Variants in GABRB2 observed in about 807,000 individuals in gnomAD.
GABRB2 encodes the protein gamma-aminobutyric acid receptor subunit beta-2.
Under a neutral mutation model 54.7 loss-of-function variants are expected in GABRB2, and 16 were observed. The observed-to-expected ratio is 0.29, with a 90% CI of 0.20 to 0.44. The LOEUF (loss-of-function observed/expected upper bound fraction) is 0.44. Among genes scored for constraint, GABRB2 ranks in the 20% least tolerant of loss-of-function variants. The probability of loss-of-function intolerance (pLI) is 1.00; values close to 1 mark genes in which losing one functional copy is unlikely to be tolerated. For synonymous variants in GABRB2, 244 were observed against 233.8 expected (o/e 1.04, Z -0.40); for missense variants, 355 against 644.0 (o/e 0.55, Z 4.86).
intron 6 of GABRB2, among the ~76,000 whole-genome samples, chr5:161,335,548 G>A (rs901340972): frequency 6.6e-6 from 1 of 152,102 alleles, no homozygotes; most frequent in Non-Finnish European, 1.5e-5. Context: ...GATGACCTGG[G>A]CAATTACCCT....
At chr5:161,325,672 A>C (rs1182329159) in intron 9 of GABRB2, among the ~76,000 whole-genome samples, 1 of 152,130 alleles carries the variant, frequency 6.6e-6, no homozygotes, top group Non-Finnish European at 1.5e-5. Flanking sequence ...GACAATTATC[A>C]TTTTCCTCCT....
chr5:161,410,930 C>G, intron 5 of GABRB2, 45 bp downstream of exon 5: 3 of 1,465,756 alleles, frequency 2.0e-6, no homozygotes, highest in Non-Finnish European at 2.9e-6. Flanking sequence ...TGCGTAAGAA[C>G]CTTAAAGCAG....
At chr5:161,327,098 A>G in intron 8 of GABRB2, 2 of 405,948 alleles carry the variant, frequency 4.9e-6, no homozygotes, top group Non-Finnish European at 6.7e-6. Flanking sequence ...TGCAAGGGAA[A>G]ATAGGAAAGA....
chr5:161,310,010 C>A (rs557117453), intron 9 of GABRB2, among the ~76,000 whole-genome samples: 31 of 152,294 alleles, frequency 2.0e-4, no homozygotes, highest in African/African-American at 7.5e-4. Context: ...ACATCCTTTG[C>A]AGGGACATGG....
At chr5:161,474,297 T>C (rs1377897221) in intron 3 of GABRB2, among the ~76,000 whole-genome samples, 1 of 152,008 alleles carries the variant, frequency 6.6e-6, no homozygotes, top group African/African-American at 2.4e-5. Flanking sequence ...AATTTTGCGA[T>C]GACATTCATT....
chr5:161,350,980 C>T lies in GABRB2; in HGVS notation c.542-14211G>A, dbSNP rs78478669. Among the ~76,000 whole-genome samples, 47 of 152,106 alleles carry T rather than the reference C, an allele frequency of 3.1e-4. No individual in the cohort carries two copies. The East Asian group carries it at 6.8e-3, about 22-fold the overall frequency. Reference sequence around the variant, plus strand: ...GCTTCCTGGCTTCTCATCTTGCAGACGGCCTACTGTGGGACTTCCCCTTGT... The same window carrying T: ...GCTTCCTGGCTTCTCATCTTGCAGATGGCCTACTGTGGGACTTCCCCTTGT... On this transcript the variant is annotated intron_variant, in intron 5 of 9. Transcript: ENST00000393959.
intron 4 of GABRB2, among the ~76,000 whole-genome samples, chr5:161,445,862 C>G (rs947261269): frequency 6.6e-6 from 1 of 152,140 alleles, no homozygotes; most frequent in Admixed American, 6.6e-5. Flanking sequence ...AGTGTCTTGA[C>G]CACCTTGGGC....
At chr5:161,331,189 G>A in intron 7 of GABRB2, 62 bp from the exon 8 acceptor site, 2 of 1,480,858 alleles carry the variant, frequency 1.4e-6, no homozygotes, top group Non-Finnish European at 1.8e-6. Context: ...TTTCTTAATA[G>A]CTGGAAAGGT....
intron 5 of GABRB2, among the ~76,000 whole-genome samples, chr5:161,376,692 G>A (rs1043982817): frequency 1.7e-4 from 26 of 151,984 alleles, no homozygotes; most frequent in Non-Finnish European, 3.4e-4. Flanking sequence ...AATAATCCCA[G>A]CCCAACATTA....
intron 3 of GABRB2, among the ~76,000 whole-genome samples, chr5:161,500,291 C>T (rs1759391760): frequency 6.6e-6 from 1 of 152,006 alleles, no homozygotes; most frequent in African/African-American, 2.4e-5. Flanking sequence ...GGTTGGTTGG[C>T]TTTTTTTCTC....
intron 3 of GABRB2, among the ~76,000 whole-genome samples, chr5:161,509,456 T>C (rs1156295956): frequency 6.6e-6 from 1 of 151,768 alleles, no homozygotes; most frequent in Non-Finnish European, 1.5e-5. Context: ...GGAAAATCAG[T>C]TAAGGCATCA....
intron 7 of GABRB2, among the ~76,000 whole-genome samples, chr5:161,333,907 A>G (rs1317637611): frequency 6.6e-6 from 1 of 152,176 alleles, no homozygotes; most frequent in Admixed American, 6.5e-5. Context: ...GATTTACCAC[A>G]TTGTATAATT....
At chr5:161,534,194 G>C (rs1280331982) in intron 3 of GABRB2, among the ~76,000 whole-genome samples, 1 of 152,112 alleles carries the variant, frequency 6.6e-6, no homozygotes, top group Non-Finnish European at 1.5e-5. Context: ...AATTTTTGAA[G>C]ACATTTTTGG....
rs139017412 is a variant in GABRB2 at position 161,332,460 on chromosome 5, G to C, written c.833-1333C>G. Among the ~76,000 whole-genome samples, 7 of 152,228 alleles carry C rather than the reference G, an allele frequency of 4.6e-5. No individual in the cohort carries two copies. The East Asian group carries it at 9.7e-4, about 21-fold the overall frequency. On this transcript the variant is annotated intron_variant, in intron 7 of 9. Coordinates refer to ENST00000393959, the MANE Select transcript of GABRB2 (RefSeq NM_001371727.1). Reference sequence around the variant, plus strand: ...TATGGAAAATGTGACACTGGGTCAGGCTGTAATTGTTTGTCCTGTTGAGTT... The same window carrying C: ...TATGGAAAATGTGACACTGGGTCAGCCTGTAATTGTTTGTCCTGTTGAGTT...
intron 3 of GABRB2, 144 bp downstream of exon 3, chr5:161,545,083 G>T (rs1760935907): frequency 3.7e-6 from 2 of 540,070 alleles, no homozygotes; most frequent in Non-Finnish European, 6.6e-6. Flanking sequence ...TCAACACAGG[G>T]TATTCTAGGG....
At chr5:161,445,575 C>T (rs961395206) in intron 4 of GABRB2, among the ~76,000 whole-genome samples, 1 of 152,054 alleles carries the variant, frequency 6.6e-6, no homozygotes, top group Non-Finnish European at 1.5e-5. Context: ...AGAAGAGACT[C>T]TTTAAGTCTG....
At chr5:161,317,402 C>A (rs1202889047) in intron 9 of GABRB2, among the ~76,000 whole-genome samples, 1 of 152,104 alleles carries the variant, frequency 6.6e-6, no homozygotes, top group African/African-American at 2.4e-5. Context: ...CCAAATGTAA[C>A]CACTGGGGAA....
At chr5:161,485,868 G>A (rs907509099) in intron 3 of GABRB2, among the ~76,000 whole-genome samples, 2 of 151,898 alleles carry the variant, frequency 1.3e-5, no homozygotes, top group African/African-American at 4.8e-5. Context: ...GTGATTTGTG[G>A]GGTGTTGCAG....
rs564091883 is a variant in GABRB2 at position 161,311,227 on chromosome 5, A to C, written c.1191+15141T>G. Among the ~76,000 whole-genome samples, 149 of 152,324 alleles carry C rather than the reference A, an allele frequency of 9.8e-4. 3 individuals are homozygous for C. Among genetic ancestry groups the C allele is most frequent in the African/African-American group, 3.4e-3 (142 of 41,558 alleles). ...GGATAATAAAACTAAAGGTCCTGAGAAATATTTTTCCACAAAGTTGCAGAG... is the reference window on the plus strand; with the variant it reads ...GGATAATAAAACTAAAGGTCCTGAGCAATATTTTTCCACAAAGTTGCAGAG... On this transcript the variant is annotated intron_variant, in intron 9 of 9. Coordinates refer to ENST00000393959, the MANE Select transcript of GABRB2 (RefSeq NM_001371727.1).
Sources: gnomAD v4.1 joint callset for allele counts (sites outside exome capture counted in the v4.1 genomes callset) on GRCh38, gnomAD v4.1.1 for gene constraint, MANE v1.5 for transcripts, NCBI Gene and HGNC (gene_info 2026-07-23, HGNC 2026-07-21) for gene names.